DCLRE1C: variants seen among roughly 807,000 people sequenced by gnomAD.
DCLRE1C encodes protein artemis.
A neutral mutation model predicts 61.4 loss-of-function variants in DCLRE1C; 47 were observed. The ratio of observed to expected loss-of-function variants is 0.77; its 90% CI spans 0.61 to 0.98. The LOEUF (loss-of-function observed/expected upper bound fraction) is 0.98, where lower values mean the gene tolerates loss of function less well. Ranked by LOEUF, DCLRE1C falls within the 50% of genes least tolerant of loss-of-function variation. The pLI is 0.00. For synonymous variants in DCLRE1C, 337 were observed against 287.6 expected (o/e 1.17, Z -1.74); for missense variants, 858 against 816.0 (o/e 1.05, Z -0.63).
chr10:14,910,152 T>C (rs748565130), intron 13 of DCLRE1C, among the ~76,000 whole-genome samples: 1 of 152,130 alleles, frequency 6.6e-6, no homozygotes, highest in Non-Finnish European at 1.5e-5. Context: ...TAAAGGACCA[T>C]AGAGACCATT....
intron 2 of DCLRE1C, among the ~76,000 whole-genome samples, chr10:14,948,392 G>A (rs1455385668): frequency 6.6e-6 from 1 of 152,108 alleles, no homozygotes; most frequent in African/African-American, 2.4e-5. Flanking sequence ...TGTAGGCAAT[G>A]GCTGCAAGAG....
chr10:14,928,716 A>C (rs41298872), intron 9 of DCLRE1C, among the ~76,000 whole-genome samples: 25,022 of 151,672 alleles, frequency 0.16, 2,117 homozygotes, highest in Middle Eastern at 0.21. Context: ...GTTGGTTATA[A>C]GTACAGAGAC....
intron 13 of DCLRE1C, among the ~76,000 whole-genome samples, chr10:14,910,617 T>C (rs1338781777): frequency 6.6e-6 from 1 of 152,202 alleles, no homozygotes; most frequent in Non-Finnish European, 1.5e-5. Flanking sequence ...TTATGAAATA[T>C]TTTTGTATGA....
intron 2 of DCLRE1C, among the ~76,000 whole-genome samples, chr10:14,947,210 TCAAACAAACAAA>T (rs72262542): frequency 3.9e-4 from 58 of 150,052 alleles, no homozygotes; most frequent in African/African-American, 1.1e-3. Context: ...CGACTCTGTT[TCAAACAAACAAA>T]CAAACAAACA....
chr10:14,910,500 G>A (rs1171450265), intron 13 of DCLRE1C, among the ~76,000 whole-genome samples: 1 of 152,034 alleles, frequency 6.6e-6, no homozygotes, highest in Non-Finnish European at 1.5e-5. Context: ...TCCCCTTGTT[G>A]CCCAGGTTGG....
chr10:14,948,770 T>TATATATACATATATATATATATATA (rs1554800030), intron 2 of DCLRE1C, among the ~76,000 whole-genome samples: 1 of 143,628 alleles, frequency 7.0e-6, no homozygotes, highest in African/African-American at 2.6e-5. Context: ...TTTGGTAGGA[T>TATATATACATATATATATATATATA]TATATATATA....
At chr10:14,944,624 G>A (rs993694677) in intron 3 of DCLRE1C, among the ~76,000 whole-genome samples, 2 of 147,362 alleles carry the variant, frequency 1.4e-5, no homozygotes, top group African/African-American at 5.0e-5. Context: ...ACTACCAAAT[G>A]TTGACTTCTG....
rs750692726 is a variant in DCLRE1C, at chr10:14,908,817, G to A, written c.1670C>T (p.Thr557Ile). 96 of 1,614,092 alleles carry A rather than the reference G, an allele frequency of 5.9e-5. No individual in the cohort carries two copies. Among genetic ancestry groups the A allele is most frequent in the Non-Finnish European group, 4.6e-5 (54 of 1,180,052 alleles). Residue 557 changes from threonine to isoleucine, a missense_variant, in exon 14 of 14, where the codon ACT becomes ATT. By Grantham distance (89) the Thr-to-Ile change is moderately conservative. Around this residue, in one of 2 missense-constraint regions of DCLRE1C, gnomAD observed 843 missense variants for 783.5 expected, o/e 1.08. Coordinates refer to ENST00000378278, the MANE Select transcript of DCLRE1C (RefSeq NM_001033855.3). The stretch of plus-strand genomic sequence containing the variant: ...TCTCTCTTGGGAAGATAACAAAACA[G>A]TATCAGATTGGCTGTCCCAGCCTTG... Reference protein sequence around the residue: ...GSQGWDSQSDTVLLSSQERNS... With the variant: ...GSQGWDSQSDIVLLSSQERNS...
chr10:14,909,080 C>T lies in DCLRE1C; in HGVS notation c.1407G>A (p.Leu469=). ...SEEEVGIPAS[L]QGDLGSVLHL... The stretch of plus-strand genomic sequence containing the variant: ...GAAGTACAGAGCCCAGATCTCCTTG[C>T]AGTGAAGCTGGGATTCCTACTTCTT... The change falls in exon 14 of 14, where the codon CTG becomes CTA. Residue 469 remains leucine, a synonymous_variant. Transcript: ENST00000378278. 1 of 1,614,194 alleles carries T rather than the reference C, an allele frequency of 6.2e-7. No homozygotes were observed. Among genetic ancestry groups the T allele is most frequent in the Non-Finnish European group, 8.5e-7 (1 of 1,180,044 alleles).
chr10:14,925,149 C>T (rs1303035381), intron 11 of DCLRE1C, among the ~76,000 whole-genome samples: 1 of 151,290 alleles, frequency 6.6e-6, no homozygotes, highest in African/African-American at 2.4e-5. Context: ...TCATTACCTG[C>T]CCGCCCAACA....
rs1378338793 is a variant in DCLRE1C, at chr10:14,907,479, T to A, written c.*929A>T. Among the ~76,000 whole-genome samples, 2 of 152,088 alleles carry A rather than the reference T, an allele frequency of 1.3e-5. No individual in the cohort carries two copies. The highest frequency in any genetic ancestry group is 4.8e-5 in the African/African-American group (2 of 41,416). On this transcript the variant is annotated 3_prime_UTR_variant, in exon 14 of 14. Transcript: ENST00000378278. ...ATATTCTTACTGATTAATGTGTATA[T>A]ACTAGTTCTGTTACTAAGGAGGGAT...
At chr10:14,950,116 G>C (rs914827806) in intron 1 of DCLRE1C, among the ~76,000 whole-genome samples, 4 of 152,040 alleles carry the variant, frequency 2.6e-5, no homozygotes, top group African/African-American at 9.7e-5. Context: ...CGAGGCAGGC[G>C]GATCACCTGA....
chr10:14,920,246 C>T, intron 12 of DCLRE1C: 1 of 406,340 alleles, frequency 2.5e-6, no homozygotes, highest in East Asian at 9.0e-5. Context: ...CTGCCCTGTT[C>T]AGTAGGGTTT....
intron 3 of DCLRE1C, among the ~76,000 whole-genome samples, chr10:14,941,268 T>C (rs1589115070): frequency 6.6e-6 from 1 of 152,232 alleles, no homozygotes; most frequent in East Asian, 1.9e-4. Flanking sequence ...CACATTTCCA[T>C]TGTCCATCAG....
chr10:14,909,315 T>G lies in DCLRE1C; in HGVS notation c.1172A>C (p.Tyr391Ser), dbSNP rs1484385515. Residue 391 changes from tyrosine to serine, a missense_variant, in exon 14 of 14, where the codon TAT becomes TCT. This residue lies in a region of DCLRE1C where 843 missense variants were observed against 783.5 expected (regional missense o/e 1.08). Transcript: ENST00000378278. ...VHRDSEEEDD[Y>S]LFDDPLPIPL... ...TATTGGCAGAGGATCATCAAAGAGA[T>G]AGTCATCTTCCTCCTCTGTGGGACA... 1 of 1,613,662 alleles carries G rather than the reference T, an allele frequency of 6.2e-7. No homozygotes were observed. Among genetic ancestry groups the G allele is most frequent in the African/African-American group, 1.3e-5 (1 of 75,024 alleles).
In DCLRE1C at chr10:14,953,953, C is replaced by G. The variant is rs753690114; in HGVS notation, c.58G>C (p.Asp20His). The G allele has an allele frequency of 5.6e-6, 9 of 1,613,952 alleles. No homozygotes were observed. The highest frequency in any genetic ancestry group is 1.3e-5 in the African/African-American group (1 of 74,930). The change falls in exon 1 of 14, where the codon GAT becomes CAT. Residue 20 changes from aspartate to histidine, a missense_variant. Coordinates refer to ENST00000378278, the MANE Select transcript of DCLRE1C (RefSeq NM_001033855.3). ...EYPTISIDRFDRENLRARAYF... is the reference protein window; with the variant it reads ...EYPTISIDRFHRENLRARAYF... ...GCGCGGGCCCTCAGGTTCTCCCTAT[C>G]GAAGCGGTCTATGGAGATAGTTGGA...
intron 9 of DCLRE1C, among the ~76,000 whole-genome samples, chr10:14,932,463 C>T (rs1335994906): frequency 1.3e-5 from 2 of 151,806 alleles, no homozygotes; most frequent in African/African-American, 4.8e-5. Context: ...TGGCTAACCT[C>T]GTCTGTAGTA....
intron 4 of DCLRE1C, among the ~76,000 whole-genome samples, chr10:14,938,713 A>T (rs1249940896): frequency 1.3e-5 from 2 of 152,202 alleles, no homozygotes; most frequent in Non-Finnish European, 2.9e-5. Flanking sequence ...CCCTTTTCTG[A>T]ATAAGGGTTC....
chr10:14,946,539 G>C (rs561343868), intron 2 of DCLRE1C, among the ~76,000 whole-genome samples: 50 of 152,230 alleles, frequency 3.3e-4, no homozygotes, highest in South Asian at 6.2e-4. Flanking sequence ...GGAAGTAATT[G>C]CATGGCTTTT....
Sources: allele counts gnomAD v4.1 joint callset (sites outside exome capture counted in the v4.1 genomes callset), GRCh38; gene constraint gnomAD v4.1.1; regional missense constraint gnomAD v4.1.1; transcripts MANE v1.5; gene names NCBI Gene and HGNC (gene_info 2026-07-23, HGNC 2026-07-21).